ZNF33A: variants seen among roughly 807,000 people sequenced by gnomAD.
The protein encoded by ZNF33A is brain my041 protein.
In ZNF33A, 9 loss-of-function variants were observed where a neutral mutation model predicts 15.9. The ratio of observed to expected loss-of-function variants is 0.57; its 90% CI spans 0.34 to 0.99. ZNF33A has a LOEUF of 0.99. Among genes scored for constraint, ZNF33A ranks in the 50% least tolerant of loss-of-function variants. ZNF33A has a pLI of 0.02. For synonymous variants in ZNF33A, 294 were observed against 324.2 expected (o/e 0.91, Z 1.00); for missense variants, 843 against 941.6 (o/e 0.90, Z 1.37).
rs187927742 is a variant in ZNF33A at position 38,055,264 on chromosome 10, A to G, written c.1140A>G (p.Thr380=). Reference sequence around the variant, plus strand: ...TCACTAAACATCAAAGATCACACACAGGGGAGAAACCTTTTGAATGCAATG... The same window carrying G: ...TCACTAAACATCAAAGATCACACACGGGGGAGAAACCTTTTGAATGCAATG... ...SNLTKHQRSH[T]GEKPFECNEC... is the part of the protein sequence containing the mutation. The change falls in exon 5 of 5, where the codon ACA becomes ACG. Residue 380 remains threonine (T), a synonymous_variant. Coordinates refer to ENST00000432900, the MANE Select transcript of ZNF33A (RefSeq NM_006954.2). 1.9e-6 allele frequency: 3 copies of G among 1,614,140 alleles called. No individual in the cohort carries two copies. Among genetic ancestry groups the G allele is most frequent in the African/African-American group, 2.7e-5 (2 of 75,062 alleles).
intron 1 of ZNF33A, among the ~76,000 whole-genome samples, chr10:38,011,430 C>G (rs148242876): frequency 0.013 from 1,965 of 152,142 alleles, 23 homozygotes; most frequent in Non-Finnish European, 0.017. Flanking sequence ...ACTAAAAATA[C>G]GAAAAGTAGC....
intron 4 of ZNF33A, among the ~76,000 whole-genome samples, chr10:38,024,163 CAAAAAAAA>C (rs71007682): frequency 3.2e-5 from 3 of 93,218 alleles, no homozygotes; most frequent in African/African-American, 8.2e-5. Flanking sequence ...AAAAACAAAA[CAAAAAAAA>C]AAAAAAAAAA....
Position 38,010,744 on chromosome 10 carries a change from G to C in ZNF33A, c.-84G>C, listed in dbSNP as rs774324429. The C allele has an allele frequency of 9.4e-6, 15 of 1,598,424 alleles. No individual in the cohort carries two copies. Among genetic ancestry groups the C allele is most frequent in the South Asian group, 3.3e-5 (3 of 91,092 alleles). On this transcript the variant is annotated 5_prime_UTR_variant, in exon 1 of 5. Coordinates refer to ENST00000432900, the MANE Select transcript of ZNF33A (RefSeq NM_006954.2). Reference sequence around the variant, plus strand: ...CGGTCCCGGGATTTCAAGGGTCTACGCGCTTTTCTATGGCGAATGCAACCC... The same window carrying C: ...CGGTCCCGGGATTTCAAGGGTCTACCCGCTTTTCTATGGCGAATGCAACCC...
At chr10:38,064,230 C>A, downstream of ZNF33A, 3 of 959,932 alleles carry the variant, frequency 3.1e-6, no homozygotes, top group South Asian at 4.6e-5. Context: ...GGATGGTGGT[C>A]ACATCTCCAA....
At chr10:38,039,258 A>G (rs1254383823) in intron 4 of ZNF33A, among the ~76,000 whole-genome samples, 2 of 151,138 alleles carry the variant, frequency 1.3e-5, no homozygotes, top group Non-Finnish European at 2.9e-5. Flanking sequence ...GGGCCTCACT[A>G]TATTGCCCAG....
downstream of ZNF33A, among the ~76,000 whole-genome samples, chr10:38,065,752 C>T (rs965077128): frequency 1.3e-5 from 2 of 151,556 alleles, no homozygotes; most frequent in East Asian, 3.9e-4. Context: ...GCTCTTATGC[C>T]CAGGCTGGAG....
intron 4 of ZNF33A, among the ~76,000 whole-genome samples, chr10:38,030,517 T>C (rs1474209432): frequency 6.6e-6 from 1 of 152,188 alleles, no homozygotes; most frequent in Non-Finnish European, 1.5e-5. Context: ...CCCCATAGTG[T>C]TGGGGTGAAC....
rs1232790978 is a variant in ZNF33A, at chr10:38,056,673, G to C, written c.*113G>C. 10 of 1,410,704 alleles carry C rather than the reference G, an allele frequency of 7.1e-6. No homozygotes were observed. The highest frequency in any genetic ancestry group is 9.2e-6 in the Non-Finnish European group (10 of 1,087,258). 87.4% of individuals were successfully genotyped at this position (1,410,704 alleles called of 1,614,324 possible). On this transcript the variant is annotated 3_prime_UTR_variant, in exon 5 of 5. Transcript: ENST00000432900. ...GGAAGTGATATTCTATGTAATATCAGATGGTTAATACGGGCATAACACCTT... is the reference window on the plus strand; with the variant it reads ...GGAAGTGATATTCTATGTAATATCACATGGTTAATACGGGCATAACACCTT...
In ZNF33A at chr10:38,058,745, T is replaced by TG. The variant is rs1590729126; in HGVS notation, c.*2188dup. The TG allele has an allele frequency of 6.6e-6, 1 of 152,234 alleles. No homozygotes were observed. The highest frequency in any genetic ancestry group is 2.4e-5 in the African/African-American group (1 of 41,456). The allele number at this position is 152,234 out of a possible 1,614,324, so 9.4% of individuals were successfully genotyped here. On this transcript the variant is annotated 3_prime_UTR_variant, in exon 5 of 5. Transcript: ENST00000432900. Reference sequence around the variant, plus strand: ...GAGATTGTGCCACTGTACTGCAGCCTGGGTGACAGAATGAGACTGCATCTC... The same window carrying TG: ...GAGATTGTGCCACTGTACTGCAGCCTGGGGTGACAGAATGAGACTGCATCTC...
chr10:38,020,911 A>G (rs1398616444), intron 4 of ZNF33A, among the ~76,000 whole-genome samples: 14 of 152,160 alleles, frequency 9.2e-5, no homozygotes, highest in African/African-American at 4.8e-5. Context: ...GGAACTTCCA[A>G]ACTGTTCTCT....
chr10:38,061,680 C>T (rs1264793995), downstream of ZNF33A, among the ~76,000 whole-genome samples: 2 of 152,090 alleles, frequency 1.3e-5, no homozygotes, highest in Non-Finnish European at 2.9e-5. Flanking sequence ...TCAACAAATC[C>T]CAGCACTCTG....
chr10:38,019,087 A>T (rs892539848), intron 4 of ZNF33A, among the ~76,000 whole-genome samples: 2 of 151,860 alleles, frequency 1.3e-5, no homozygotes, highest in African/African-American at 4.8e-5. Context: ...TGCACCAATT[A>T]ACTCGTCATT....
At chr10:38,023,660 TG>T (rs1460237480) in intron 4 of ZNF33A, among the ~76,000 whole-genome samples, 1 of 152,200 alleles carries the variant, frequency 6.6e-6, no homozygotes, top group African/African-American at 2.4e-5. Context: ...ATATATTTGC[TG>T]GTAAGATGAA....
At chr10:38,061,962 A>G (rs1028853403), downstream of ZNF33A, among the ~76,000 whole-genome samples, 1 of 152,128 alleles carries the variant, frequency 6.6e-6, no homozygotes, top group African/African-American at 2.4e-5. Context: ...CTCAAAACAA[A>G]ACAAAACAAA....
chr10:38,050,442 C>T (rs1434124968), intron 4 of ZNF33A, among the ~76,000 whole-genome samples: 2 of 152,244 alleles, frequency 1.3e-5, no homozygotes, highest in Non-Finnish European at 2.9e-5. Context: ...GGATCCTGTA[C>T]TTGGCTTAAT....
At chr10:38,034,678 G>A (rs1034812863) in intron 4 of ZNF33A, among the ~76,000 whole-genome samples, 4 of 152,132 alleles carry the variant, frequency 2.6e-5, no homozygotes, top group African/African-American at 7.2e-5. Flanking sequence ...CATAAGAAGT[G>A]GAGATATATG....
At chr10:38,014,685 TGTTG>T (rs1261770801) in intron 2 of ZNF33A, among the ~76,000 whole-genome samples, 4 of 152,360 alleles carry the variant, frequency 2.6e-5, no homozygotes, top group South Asian at 2.1e-4. Flanking sequence ...GGCTATGTTC[TGTTG>T]GTTGGTTGTG....
downstream of ZNF33A, among the ~76,000 whole-genome samples, chr10:38,060,788 T>C (rs188755259): frequency 1.3e-5 from 2 of 152,318 alleles, no homozygotes; most frequent in Non-Finnish European, 2.9e-5. Context: ...CAAAGGCTTC[T>C]TGGACAGAAC....
chr10:38,046,669 A>G (rs1372227408), intron 4 of ZNF33A, among the ~76,000 whole-genome samples: 4 of 152,240 alleles, frequency 2.6e-5, no homozygotes, highest in Non-Finnish European at 4.4e-5. Flanking sequence ...GCTTTCTCAA[A>G]GAGACTAACC....
Sources: allele counts gnomAD v4.1 joint callset (sites outside exome capture counted in the v4.1 genomes callset), GRCh38; gene constraint gnomAD v4.1.1; transcripts MANE v1.5; gene names NCBI Gene and HGNC (gene_info 2026-07-23, HGNC 2026-07-21).